METTL9: variants seen among roughly 807,000 people sequenced by gnomAD.
METTL9 encodes the protein protein-L-histidine N-pros-methyltransferase.
In METTL9, 10 loss-of-function variants were observed where a neutral mutation model predicts 36.0. The ratio of observed to expected loss-of-function variants is 0.28; its 90% CI spans 0.17 to 0.47. The LOEUF (loss-of-function observed/expected upper bound fraction) is 0.47, where lower values mean the gene tolerates loss of function less well. Ranked by LOEUF, METTL9 falls within the 20% of genes least tolerant of loss-of-function variation. The probability of loss-of-function intolerance (pLI) is 0.99; values close to 1 mark genes in which losing one functional copy is unlikely to be tolerated. For missense variants in METTL9, 246 were observed against 383.5 expected (o/e 0.64, Z 3.00); for synonymous variants, 175 against 149.7 (o/e 1.17, Z -1.23).
At chr16:21,654,893 A>G (rs939027137) in intron 4 of METTL9, 7 of 286,748 alleles carry the variant, frequency 2.4e-5, no homozygotes, top group African/African-American at 1.5e-4. Flanking sequence ...CCCATTAACC[A>G]TTACACCCTG....
At chr16:21,634,762 C>T (rs566861763) in intron 4 of METTL9, among the ~76,000 whole-genome samples, 41 of 152,178 alleles carry the variant, frequency 2.7e-4, no homozygotes, top group South Asian at 1.2e-3. Context: ...ATTTGGGCGA[C>T]GGGAGTATAT....
chr16:21,647,047 CT>C (rs765839583), intron 4 of METTL9: 183 of 1,568,082 alleles, frequency 1.2e-4, no homozygotes, highest in Non-Finnish European at 1.5e-4. Context: ...AATTTATCTC[CT>C]GATTTCTACA....
chr16:21,639,090 C>T (rs1269320518), intron 4 of METTL9, among the ~76,000 whole-genome samples: 1 of 152,150 alleles, frequency 6.6e-6, no homozygotes, highest in Non-Finnish European at 1.5e-5. Flanking sequence ...ATAAGAAACT[C>T]TTCCCAAATA....
intron 4 of METTL9, among the ~76,000 whole-genome samples, chr16:21,651,230 CA>C (rs1199267762): frequency 1.3e-5 from 2 of 151,876 alleles, no homozygotes; most frequent in African/African-American, 4.8e-5. Context: ...CTCAAACAAA[CA>C]AAAAAGCCAT....
intron 4 of METTL9, chr16:21,652,527 C>T (rs1445718725): frequency 1.2e-6 from 2 of 1,604,916 alleles, no homozygotes; most frequent in African/African-American, 1.3e-5. Context: ...GAAAAAGAAC[C>T]TTACCGACAC....
intron 1 of METTL9, among the ~76,000 whole-genome samples, chr16:21,601,726 A>AT (rs1476539870): frequency 3.2e-5 from 4 of 124,268 alleles, no homozygotes; most frequent in African/African-American, 5.2e-5. Flanking sequence ...CCGTATTTAT[A>AT]TTCTGTGTGT....
At chr16:21,629,062 T>C (rs1010270274) in intron 4 of METTL9, among the ~76,000 whole-genome samples, 2 of 151,854 alleles carry the variant, frequency 1.3e-5, no homozygotes, top group South Asian at 2.1e-4. Context: ...CCCGGCTCAT[T>C]TTTGTATTTT....
intron 4 of METTL9, chr16:21,627,271 G>T (rs1262388859): frequency 2.8e-5 from 28 of 985,132 alleles, no homozygotes; most frequent in Non-Finnish European, 3.4e-5. Flanking sequence ...ATATCTGAGT[G>T]TGCTTTGCAT....
intron 4 of METTL9, among the ~76,000 whole-genome samples, chr16:21,638,350 T>C (rs1966159612): frequency 6.6e-6 from 1 of 152,172 alleles, no homozygotes; most frequent in African/African-American, 2.4e-5. Context: ...GTTTAATTCT[T>C]TTCTGGATGC....
chr16:21,652,890 G>A, intron 4 of METTL9: 2 of 334,572 alleles, frequency 6.0e-6, no homozygotes. Flanking sequence ...CCAGGAAGGA[G>A]TATTGTTTGA....
intron 4 of METTL9, chr16:21,647,194 G>C: frequency 6.2e-7 from 1 of 1,614,114 alleles, no homozygotes; most frequent in South Asian, 1.1e-5. Flanking sequence ...GCACACTGGG[G>C]AATGCTATTC....
At chr16:21,621,928 G>A (rs936360955) in intron 3 of METTL9, among the ~76,000 whole-genome samples, 2 of 149,998 alleles carry the variant, frequency 1.3e-5, no homozygotes, top group African/African-American at 4.9e-5. Flanking sequence ...GTGCAGTGGT[G>A]CCATCTCGGC....
At chr16:21,649,492 G>T (rs1966513724) in intron 4 of METTL9, among the ~76,000 whole-genome samples, 1 of 152,092 alleles carries the variant, frequency 6.6e-6, no homozygotes, top group East Asian at 1.9e-4. Flanking sequence ...TCTCAAGTCT[G>T]AGAAATACAA....
intron 4 of METTL9, chr16:21,641,299 A>T (rs1230633820): frequency 2.9e-6 from 1 of 341,684 alleles, no homozygotes; most frequent in Non-Finnish European, 5.3e-6. Context: ...TTAAAATAGA[A>T]TTTTTTTTCT....
intron 4 of METTL9, among the ~76,000 whole-genome samples, chr16:21,649,981 G>GT (rs919111521): frequency 2.0e-5 from 3 of 152,122 alleles, no homozygotes; most frequent in African/African-American, 7.2e-5. Flanking sequence ...ATTGGGTAGT[G>GT]TTTTTAAAAG....
chr16:21,643,450 TTAACATTTAAATATTTAAAA>T, intron 4 of METTL9: 1 of 785,908 alleles, frequency 1.3e-6, no homozygotes, highest in East Asian at 2.7e-5. Flanking sequence ...CTGTTTAAAC[TTAACATTTAAATATTTAAAA>T]GCTAAAAAAT....
intron 1 of METTL9, among the ~76,000 whole-genome samples, chr16:21,609,344 A>G (rs935949933): frequency 3.3e-5 from 5 of 152,148 alleles, no homozygotes; most frequent in African/African-American, 1.2e-4. Flanking sequence ...CACTGAAGCC[A>G]TTCATTTTCT....
chr16:21,624,623 A>G (rs973967387), intron 3 of METTL9, among the ~76,000 whole-genome samples: 2 of 151,956 alleles, frequency 1.3e-5, no homozygotes, highest in Admixed American at 6.6e-5. Flanking sequence ...GTTACTGGGG[A>G]GGCGGAGGCA....
chr16:21,652,940 A>G (rs975272033), intron 4 of METTL9: 3 of 233,354 alleles, frequency 1.3e-5, no homozygotes, highest in African/African-American at 6.8e-5. Flanking sequence ...CAGTTCAGTC[A>G]CTGTCTAGGG....
Sources: gnomAD v4.1 joint callset for allele counts (sites outside exome capture counted in the v4.1 genomes callset) on GRCh38, gnomAD v4.1.1 for gene constraint, MANE v1.5 for transcripts, NCBI Gene and HGNC (gene_info 2026-07-23, HGNC 2026-07-21) for gene names.